MACROD2: variants seen among roughly 807,000 people sequenced by gnomAD.
MACROD2 encodes the protein ADP-ribose glycohydrolase MACROD2.
MACROD2 carries 36 observed loss-of-function variants against 70.4 expected under a neutral mutation model. The observed-to-expected ratio is 0.51, with a 90% CI of 0.39 to 0.68. The LOEUF is 0.68. MACROD2 is among the 30% of genes least tolerant of loss of function. MACROD2 has a pLI of 0.00. For missense variants in MACROD2, 496 were observed against 538.4 expected, an observed-to-expected ratio of 0.92 and a Z score of 0.78; for synonymous variants, 172 against 178.8, an observed-to-expected ratio of 0.96 and a Z score of 0.30.
chr20:15,701,153 A>G (rs933780178), intron 8 of MACROD2, among the ~76,000 whole-genome samples: 1 of 152,222 alleles, frequency 6.6e-6, no homozygotes, highest in African/African-American at 2.4e-5. Flanking sequence ...GGAGCACCTC[A>G]CATTTATTTA....
intron 5 of MACROD2, among the ~76,000 whole-genome samples, chr20:14,913,723 A>G (rs1186245520): frequency 2.0e-5 from 3 of 152,112 alleles, no homozygotes; most frequent in Non-Finnish European, 4.4e-5. Context: ...CAAATTCCAT[A>G]TAAGACTATC....
chr20:14,172,953 G>C (rs1169080525), intron 3 of MACROD2, among the ~76,000 whole-genome samples: 4 of 152,134 alleles, frequency 2.6e-5, no homozygotes, highest in Non-Finnish European at 5.9e-5. Context: ...TTAGTTTAAG[G>C]AGACTAAAGA....
chr20:15,905,028 C>T lies in MACROD2; in HGVS notation c.775+19217C>T, dbSNP rs138172732. Reference sequence around the variant, plus strand: ...ATTCTATTTTCATCCCTTAGGTGTACGATCATATTCTTTACCTCATGTCTC... The same window carrying T: ...ATTCTATTTTCATCCCTTAGGTGTATGATCATATTCTTTACCTCATGTCTC... On this transcript the variant is annotated intron_variant, in intron 10 of 17. Transcript: ENST00000684519. Among the ~76,000 whole-genome samples the T allele has an allele frequency of 3.2e-3, 486 of 152,202 alleles. 2 individuals carry two copies. The highest frequency in any genetic ancestry group is 6.0e-3 in the Non-Finnish European group (406 of 68,018).
Position 15,854,102 on chromosome 20 carries a change from T to G in MACROD2, c.646-8643T>G, listed in dbSNP as rs76084768. On this transcript the variant is annotated intron_variant, in intron 8 of 17. Coordinates refer to ENST00000684519, the MANE Select transcript of MACROD2 (RefSeq NM_001351661.2). Reference sequence around the variant, plus strand: ...TCTCCCCTTCAGGGTGCGTAGAACCTTCAAATATGATGGGGTAGTCACTCT... The same window carrying G: ...TCTCCCCTTCAGGGTGCGTAGAACCGTCAAATATGATGGGGTAGTCACTCT... Among the ~76,000 whole-genome samples the G allele has an allele frequency of 1.3e-3, 193 of 152,250 alleles. 1 individual carries two copies. In the East Asian group the frequency reaches 0.014, roughly 11 times the overall value.
intron 10 of MACROD2, among the ~76,000 whole-genome samples, chr20:15,913,320 T>C (rs79378000): frequency 0.034 from 5,116 of 152,296 alleles, 166 homozygotes; most frequent in African/African-American, 0.08. Flanking sequence ...GGAGAGAGTT[T>C]TGCTAGTTTC....
At chr20:15,199,381 C>A (rs766901721) in intron 5 of MACROD2, among the ~76,000 whole-genome samples, 1 of 151,976 alleles carries the variant, frequency 6.6e-6, no homozygotes, top group Non-Finnish European at 1.5e-5. Context: ...CAAACAACAA[C>A]AACAAAAACA....
chr20:15,563,614 CTTTT>C (rs927007315), intron 8 of MACROD2, among the ~76,000 whole-genome samples: 5 of 152,066 alleles, frequency 3.3e-5, no homozygotes, highest in Non-Finnish European at 7.4e-5. Flanking sequence ...AGAAAAATCT[CTTTT>C]TTAAGTTTAA....
In MACROD2 at chr20:15,656,183, A is replaced by G. The variant is rs542239943; in HGVS notation, c.645+156336A>G. On this transcript the variant is annotated intron_variant, in intron 8 of 17. Transcript: ENST00000684519. Reference sequence around the variant, plus strand: ...TGGGGTTGCAGTATTGAAACATACTATTGGGATCCGTTTTCTGATTTTGAC... The same window carrying G: ...TGGGGTTGCAGTATTGAAACATACTGTTGGGATCCGTTTTCTGATTTTGAC... Among the ~76,000 whole-genome samples the G allele has an allele frequency of 1.2e-4, 18 of 152,222 alleles. 1 individual carries two copies. The highest frequency in any genetic ancestry group is 3.9e-4 in the African/African-American group (16 of 41,538).
At chr20:15,870,309 T>C (rs2147179371) in intron 9 of MACROD2, among the ~76,000 whole-genome samples, 1 of 151,976 alleles carries the variant, frequency 6.6e-6, no homozygotes, top group East Asian at 1.9e-4. Flanking sequence ...AATAAGTTTC[T>C]GGAGAACAGA....
At chr20:14,881,856 A>G (rs147108301) in intron 5 of MACROD2, among the ~76,000 whole-genome samples, 76 of 152,182 alleles carry the variant, frequency 5.0e-4, no homozygotes, top group African/African-American at 1.6e-3. Flanking sequence ...AGTCCCTGCT[A>G]CCTAGGTTTA....
intron 4 of MACROD2, among the ~76,000 whole-genome samples, chr20:14,587,820 A>T (rs1226452329): frequency 6.6e-6 from 1 of 152,016 alleles, no homozygotes; most frequent in African/African-American, 2.4e-5. Flanking sequence ...TTTAAAATTA[A>T]TTTTAAATTG....
At chr20:14,128,046 T>C (rs1177074767) in intron 3 of MACROD2, 1 of 563,742 alleles carries the variant, frequency 1.8e-6, no homozygotes, top group Non-Finnish European at 3.5e-6. Context: ...GATTTTACTT[T>C]GTAACCTGAA....
chr20:14,876,070 T>C (rs753789458), intron 5 of MACROD2, among the ~76,000 whole-genome samples: 11 of 152,126 alleles, frequency 7.2e-5, no homozygotes, highest in Non-Finnish European at 1.2e-4. Context: ...TAGAAATTGA[T>C]CTAATTTACA....
chr20:14,478,539 T>A (rs1406693407), intron 3 of MACROD2, among the ~76,000 whole-genome samples: 2 of 152,196 alleles, frequency 1.3e-5, no homozygotes, highest in Non-Finnish European at 2.9e-5. Flanking sequence ...CTTATTTGTC[T>A]TATCTTATTT....
chr20:14,077,601 A>T (rs991546404), intron 2 of MACROD2, among the ~76,000 whole-genome samples: 1 of 152,196 alleles, frequency 6.6e-6, no homozygotes, highest in African/African-American at 2.4e-5. Flanking sequence ...TAAGGGAAAA[A>T]GAGTGTAATT....
intron 5 of MACROD2, among the ~76,000 whole-genome samples, chr20:15,118,033 C>A (rs1381382870): frequency 6.6e-6 from 1 of 151,674 alleles, no homozygotes; most frequent in Non-Finnish European, 1.5e-5. Context: ...ACTCCTAGGT[C>A]TCTCAGGATT....
chr20:14,802,678 T>C (rs1321897654), intron 5 of MACROD2, among the ~76,000 whole-genome samples: 1 of 152,020 alleles, frequency 6.6e-6, no homozygotes, highest in Non-Finnish European at 1.5e-5. Context: ...CCATCTGATA[T>C]CTTCGTAAAT....
chr20:15,527,061 G>C (rs937991325), intron 8 of MACROD2, among the ~76,000 whole-genome samples: 1 of 152,120 alleles, frequency 6.6e-6, no homozygotes, highest in African/African-American at 2.4e-5. Context: ...CTTTAAGTAT[G>C]GGGAAGTAAG....
At chr20:14,614,235 T>G (rs1025561867) in intron 4 of MACROD2, among the ~76,000 whole-genome samples, 22 of 152,074 alleles carry the variant, frequency 1.4e-4, no homozygotes, top group African/African-American at 5.1e-4. Context: ...ATGATGACAA[T>G]TATAGTAATT....
Sources: allele counts gnomAD v4.1 joint callset (sites outside exome capture counted in the v4.1 genomes callset), GRCh38; gene constraint gnomAD v4.1.1; transcripts MANE v1.5; gene names NCBI Gene and HGNC (gene_info 2026-07-23, HGNC 2026-07-21).